Variants in CCSER2 observed in about 807,000 individuals in gnomAD.
The protein encoded by CCSER2 is serine-rich coiled-coil domain-containing protein 2.
In CCSER2, 46 loss-of-function variants were observed where a neutral mutation model predicts 92.3. The ratio of observed to expected loss-of-function variants is 0.50; its 90% confidence interval spans 0.39 to 0.64. The LOEUF is 0.64. CCSER2 is among the 30% of genes least tolerant of loss of function. CCSER2 has a pLI of 0.00. For missense variants in CCSER2, 1,244 were observed against 1,238.9 expected (o/e 1.00, Z -0.06); for synonymous variants, 433 against 431.4 (o/e 1.00, Z -0.04).
chr10:84,481,610 A>ACAGCC (rs1360569948), intron 9 of CCSER2, among the ~76,000 whole-genome samples: 3 of 152,242 alleles, frequency 2.0e-5, no homozygotes, highest in East Asian at 3.9e-4. Flanking sequence ...TTAGGGCAAG[A>ACAGCC]CAAAGGTTTC....
At chr10:84,373,160 A>G (rs1012364888) in intron 2 of CCSER2, among the ~76,000 whole-genome samples, 15 of 152,126 alleles carry the variant, frequency 9.9e-5, no homozygotes, top group African/African-American at 3.1e-4. Context: ...ATAGAAATGC[A>G]TGTACAAACC....
chr10:84,396,235 A>AT (rs1413344680), intron 3 of CCSER2, among the ~76,000 whole-genome samples: 1 of 150,630 alleles, frequency 6.6e-6, no homozygotes, highest in East Asian at 1.9e-4. Context: ...GGATTATAGT[A>AT]TATATTCATA....
chr10:84,464,070 T>G, intron 7 of CCSER2, 54 bp downstream of exon 7: 1 of 845,568 alleles, frequency 1.2e-6, no homozygotes, highest in Non-Finnish European at 1.9e-6. Context: ...AATACTAAAA[T>G]AATGATACAA....
chr10:84,451,114 C>T (rs1845254681), intron 6 of CCSER2, among the ~76,000 whole-genome samples: 1 of 151,972 alleles, frequency 6.6e-6, no homozygotes, highest in South Asian at 2.1e-4. Context: ...GGAAAAAACC[C>T]TTTAGAGCAG....
At chr10:84,332,036 G>A (rs977662959) in intron 1 of CCSER2, among the ~76,000 whole-genome samples, 9 of 152,238 alleles carry the variant, frequency 5.9e-5, no homozygotes, top group South Asian at 2.1e-4. Flanking sequence ...AAGTCAGAGG[G>A]TATGAAGGTT....
At chr10:84,364,109 G>A (rs754932701) in intron 1 of CCSER2, among the ~76,000 whole-genome samples, 12 of 152,152 alleles carry the variant, frequency 7.9e-5, no homozygotes, top group Non-Finnish European at 1.6e-4. Context: ...CCAGTATGGG[G>A]CACTTGAATG....
chr10:84,387,674 G>A (rs1480447313), intron 3 of CCSER2, among the ~76,000 whole-genome samples: 1 of 150,246 alleles, frequency 6.7e-6, no homozygotes, highest in Non-Finnish European at 1.5e-5. Flanking sequence ...AACTCCAGGC[G>A]TCCGCCACTA....
At chr10:84,332,430 ATATATATTT>A (rs1843618465) in intron 1 of CCSER2, among the ~76,000 whole-genome samples, 1 of 72,968 alleles carries the variant, frequency 1.4e-5, no homozygotes, top group Non-Finnish European at 2.4e-5. Context: ...ATATATATAT[ATATATATTT>A]TTTTTTTTTT....
intron 1 of CCSER2, among the ~76,000 whole-genome samples, chr10:84,348,447 A>G (rs1281891017): frequency 3.5e-5 from 5 of 143,726 alleles, no homozygotes; most frequent in Admixed American, 3.4e-4. Flanking sequence ...CCGTGGAAAG[A>G]GAGGGAGAGG....
At chr10:84,344,393 TTTC>T (rs1047353394) in intron 1 of CCSER2, among the ~76,000 whole-genome samples, 1 of 152,222 alleles carries the variant, frequency 6.6e-6, no homozygotes, top group Non-Finnish European at 1.5e-5. Context: ...GCTTTATTTT[TTTC>T]TTTTTTAATG....
At chr10:84,441,734 ATGTTTTTTTTTTTTTTTTTTTTTT>A (rs1160622497) in intron 6 of CCSER2, among the ~76,000 whole-genome samples, 7 of 106,450 alleles carry the variant, frequency 6.6e-5, no homozygotes, top group South Asian at 3.4e-4. Context: ...GACTGGGAAA[ATGTTTTTTTTTTTTTTTTTTTTTT>A]TTTTTTTTTT....
At chr10:84,459,724 A>G (rs1845986931) in intron 6 of CCSER2, among the ~76,000 whole-genome samples, 1 of 152,102 alleles carries the variant, frequency 6.6e-6, no homozygotes, top group Non-Finnish European at 1.5e-5. Context: ...GAGTTTTAGC[A>G]TGCTGCCCAG....
chr10:84,511,791 G>A (rs1849359703), intron 9 of CCSER2, among the ~76,000 whole-genome samples: 1 of 152,114 alleles, frequency 6.6e-6, no homozygotes, highest in Non-Finnish European at 1.5e-5. Flanking sequence ...GGAACCCCAG[G>A]GAGAATCTGT....
intron 1 of CCSER2, among the ~76,000 whole-genome samples, chr10:84,339,451 T>C (rs1844046564): frequency 1.3e-5 from 2 of 150,474 alleles, no homozygotes; most frequent in Admixed American, 1.3e-4. Flanking sequence ...CTTTTGCACA[T>C]ACTATTACTT....
Position 84,413,595 on chromosome 10 carries a change from G to A in CCSER2, c.1615-4176G>A, listed in dbSNP as rs1842757914. ...TCAATTTTGGAGTAAGTGCCCTGTG[G>A]CCATGAGAAGAAATGCATATTCTGT... On this transcript the variant is annotated intron_variant, in intron 3 of 9. Coordinates refer to ENST00000372088, the MANE Select transcript of CCSER2 (RefSeq NM_001284240.2). Among the ~76,000 whole-genome samples, 3 of 152,166 alleles carry A rather than the reference G, an allele frequency of 2.0e-5. No homozygotes were observed. In the South Asian group the frequency reaches 6.2e-4, roughly 32 times the overall value.
chr10:84,476,597 C>G (rs562946477), intron 8 of CCSER2, among the ~76,000 whole-genome samples: 1 of 152,012 alleles, frequency 6.6e-6, no homozygotes, highest in Non-Finnish European at 1.5e-5. Context: ...GTGCCCGCCA[C>G]CACATCCGGC....
chr10:84,513,559 C>A lies in CCSER2; in HGVS notation c.2436C>A (p.Asp812Glu). ...IEARSECSIQ[D>E]MHQGGAHPEE... ...CCCGCAGTGAATGCTCAATCCAAGA[C>A]ATGCATCAGGGCGGTGCACATCCGG... The change falls in exon 10 of 10, where the codon GAC (aspartate) becomes GAA (glutamate). Residue 812 changes from aspartate to glutamate, a missense_variant. Physicochemically the swap from Asp to Glu is conservative, Grantham distance 45. Transcript: ENST00000372088. The A allele has an allele frequency of 1.2e-6, 2 of 1,614,088 alleles. No homozygotes were observed.
intron 1 of CCSER2, among the ~76,000 whole-genome samples, chr10:84,364,325 C>T (rs946155376): frequency 3.3e-5 from 5 of 152,240 alleles, no homozygotes; most frequent in African/African-American, 1.2e-4. Flanking sequence ...TTCAGCTCCA[C>T]TGTAATCTCA....
chr10:84,341,862 C>T (rs1225825375), intron 1 of CCSER2, among the ~76,000 whole-genome samples: 2 of 152,164 alleles, frequency 1.3e-5, no homozygotes, highest in East Asian at 3.8e-4. Context: ...GATGAACAGC[C>T]AGATGGAAGA....
Sources: allele counts gnomAD v4.1 joint callset (sites outside exome capture counted in the v4.1 genomes callset), GRCh38; gene constraint gnomAD v4.1.1; transcripts MANE v1.5; gene names NCBI Gene and HGNC (gene_info 2026-07-23, HGNC 2026-07-21).